USP7: variants seen among roughly 807,000 people sequenced by gnomAD.
The protein encoded by USP7 is ubiquitin C-terminal hydrolase 7.
Under a neutral mutation model 162.9 loss-of-function variants are expected in USP7, and 9 were observed. The observed-to-expected ratio is 0.06, with a 90% CI of 0.03 to 0.10. USP7 has a LOEUF of 0.10. USP7 is among the 10% of genes least tolerant of loss of function. USP7 has a pLI of 1.00. For synonymous variants in USP7, 562 were observed against 475.9 expected, an observed-to-expected ratio of 1.18 and a Z score of -2.35; for missense variants, 715 against 1,373.7, an observed-to-expected ratio of 0.52 and a Z score of 7.58.
Position 8,894,596 on chromosome 16 carries a change from A to G in USP7, c.3156T>C (p.Asn1052=). ...TCAAATTTACTTCATACTCGTCTTC[A>G]TTTATGTACTGGTGTCGGCCCATCA... ...IVMMGRHQYI[N]EDEYEVNLKD... The change falls in exon 30 of 31, where the codon AAT becomes AAC. Residue 1052 remains asparagine (N), a synonymous_variant. Transcript: ENST00000344836. 1 of 1,613,828 alleles carries G rather than the reference A, an allele frequency of 6.2e-7. No individual in the cohort carries two copies. Among genetic ancestry groups the G allele is most frequent in the Non-Finnish European group, 8.5e-7 (1 of 1,180,014 alleles).
intron 14 of USP7, among the ~76,000 whole-genome samples, chr16:8,904,771 T>G: frequency 6.8e-6 from 1 of 147,644 alleles, no homozygotes. Context: ...TGAAACCCCA[T>G]CTCTACTACT....
chr16:8,900,230 A>C (rs2061752458), intron 21 of USP7: 1 of 337,478 alleles, frequency 3.0e-6, no homozygotes, highest in Non-Finnish European at 5.4e-6. Flanking sequence ...GGTACATTCT[A>C]AGGAGTTTCG....
chr16:8,948,183 T>C (rs1192813499), intron 1 of USP7, among the ~76,000 whole-genome samples: 2 of 152,204 alleles, frequency 1.3e-5, no homozygotes, highest in Non-Finnish European at 2.9e-5. Flanking sequence ...GCTCCCCTGA[T>C]GGAACCCTCA....
At position 8,896,992 on chromosome 16, in the gene USP7, T is replaced by C; in HGVS notation, c.2819+7A>G. 6.2e-7 allele frequency: 1 copy of C among 1,610,956 alleles called. No homozygotes were observed. The highest frequency in any genetic ancestry group is 8.5e-7 in the Non-Finnish European group (1 of 1,177,112). ...AACGTCCACAATTGGGCTCAAGAAA[T>C]ACTTGCCTAAGTTTCCCTGATGCTT... is the stretch of plus-strand genomic sequence containing the variant. On this transcript the variant is annotated splice_region_variant and intron_variant, in intron 26 of 30. Coordinates refer to ENST00000344836, the MANE Select transcript of USP7 (RefSeq NM_003470.3).
chr16:8,958,484 G>A (rs1232697192), intron 1 of USP7, among the ~76,000 whole-genome samples: 1 of 152,196 alleles, frequency 6.6e-6, no homozygotes, highest in African/African-American at 2.4e-5. Context: ...ATAAAGTGTG[G>A]GGTCAGGCAG....
At position 8,895,752 on chromosome 16, in the gene USP7, AG is replaced by A; in HGVS notation, c.2820-12del. On this transcript the variant is annotated splice_polypyrimidine_tract_variant and intron_variant, in intron 26 of 30. Transcript: ENST00000344836. ...ACAATTTCTAGCAGCCTGAACAGAG[AG>A]GAAAAAAAAATAGGGCAAAATGAAG... 1 of 1,588,346 alleles carries A rather than the reference AG, an allele frequency of 6.3e-7. No individual in the cohort carries two copies.
At position 8,963,874 on chromosome 16, in the gene USP7, C is replaced by G. The variant is rs1419883272; in HGVS notation, c.-589G>C. 1.4e-5 allele frequency among the ~76,000 whole-genome samples: 2 copies of G among 146,702 alleles called. No homozygotes were observed. The highest frequency in any genetic ancestry group is 6.8e-5 in the Admixed American group (1 of 14,798). The stretch of plus-strand genomic sequence containing the variant: ...CGCGGCGCCCGGCAGCTCGGCTCGG[C>G]TCGCTCTCAAAATGGCGGCGGCGTG... On this transcript the variant is annotated 5_prime_UTR_variant, in exon 1 of 31. Transcript: ENST00000344836.
chr16:8,900,691 A>G, intron 20 of USP7, 61 bp from the exon 21 acceptor site: 2 of 1,222,200 alleles, frequency 1.6e-6, no homozygotes, highest in Admixed American at 2.0e-5. Context: ...ATATGGCCAG[A>G]TAGTCTTCCA....
At chr16:8,905,059 C>T in intron 14 of USP7, 128 bp downstream of exon 14, 1 of 1,187,250 alleles carries the variant, frequency 8.4e-7, no homozygotes, top group Non-Finnish European at 1.2e-6. Flanking sequence ...CTGCTCATTT[C>T]TGCGCTGCTG....
At chr16:8,921,121 G>A (rs370762714) in intron 4 of USP7, 36 bp downstream of exon 4, 2 of 1,605,742 alleles carry the variant, frequency 1.2e-6, no homozygotes, top group African/African-American at 1.3e-5. Context: ...AAGCAGTAAT[G>A]CACCAATTGT....
chr16:8,919,014 G>T lies in USP7; in HGVS notation c.720+17C>A. On this transcript the variant is annotated intron_variant, in intron 6 of 30. Transcript: ENST00000344836. ...GGGTGAGCGGAAGGCTGCAGGAGAG[G>T]AACACTATCCATTTACCTTTCGTAG... is the stretch of plus-strand genomic sequence containing the variant. The T allele has an allele frequency of 6.2e-7, 1 of 1,611,020 alleles. No homozygotes were observed. Among genetic ancestry groups the T allele is most frequent in the East Asian group, 2.2e-5 (1 of 44,874 alleles).
intron 10 of USP7, among the ~76,000 whole-genome samples, chr16:8,912,719 C>G (rs2061967197): frequency 6.6e-6 from 1 of 151,578 alleles, no homozygotes; most frequent in African/African-American, 2.4e-5. Context: ...CACAGGACCT[C>G]CGAGACTAGC....
intron 1 of USP7, among the ~76,000 whole-genome samples, chr16:8,954,674 G>A (rs1268476684): frequency 6.6e-6 from 1 of 152,172 alleles, no homozygotes; most frequent in Non-Finnish European, 1.5e-5. Context: ...GGTTTGCGTA[G>A]TTTAATAACA....
chr16:8,922,252 G>A (rs1450578957), intron 3 of USP7, among the ~76,000 whole-genome samples: 1 of 152,240 alleles, frequency 6.6e-6, no homozygotes, highest in Non-Finnish European at 1.5e-5. Context: ...ACTTTGGCAG[G>A]CCGAGACAGG....
chr16:8,905,454 A>G (rs2061845116), intron 13 of USP7, 123 bp from the exon 14 acceptor site: 3 of 1,224,752 alleles, frequency 2.4e-6, no homozygotes, highest in South Asian at 1.4e-5. Flanking sequence ...AAAAATATCC[A>G]TGTGTGTTCT....
At chr16:8,933,972 G>C (rs1213837896) in intron 1 of USP7, among the ~76,000 whole-genome samples, 1 of 152,034 alleles carries the variant, frequency 6.6e-6, no homozygotes, top group Non-Finnish European at 1.5e-5. Context: ...GGCCAGGCTG[G>C]TCTCAAACTC....
intron 10 of USP7, among the ~76,000 whole-genome samples, chr16:8,912,789 GA>G (rs901244903): frequency 6.2e-5 from 9 of 145,838 alleles, no homozygotes; most frequent in Admixed American, 1.4e-4. Context: ...TAAATACATA[GA>G]AAAAAAAGAA....
intron 3 of USP7, 138 bp from the exon 4 acceptor site, chr16:8,921,433 A>G (rs1201643777): frequency 6.2e-6 from 6 of 967,480 alleles, no homozygotes; most frequent in Middle Eastern, 2.7e-4. Context: ...GGTTAAAGGT[A>G]GGATGGAGGC....
At chr16:8,961,051 T>C (rs1186436413) in intron 1 of USP7, among the ~76,000 whole-genome samples, 3 of 152,208 alleles carry the variant, frequency 2.0e-5, no homozygotes, top group Non-Finnish European at 4.4e-5. Flanking sequence ...TTCTGCTAAA[T>C]TTACAGATTA....
Sources: gnomAD v4.1 joint callset for allele counts (sites outside exome capture counted in the v4.1 genomes callset) on GRCh38, gnomAD v4.1.1 for gene constraint, MANE v1.5 for transcripts, NCBI Gene and HGNC (gene_info 2026-07-23, HGNC 2026-07-21) for gene names.